Variants in MINK1 observed in about 807,000 individuals in gnomAD.
MINK1 encodes the protein misshapen like kinase 1, also known as misshapen-like kinase 1.
Under a neutral mutation model 178.4 loss-of-function variants are expected in MINK1, and 46 were observed. The ratio of observed to expected loss-of-function variants is 0.26; its 90% confidence interval spans 0.20 to 0.33. The LOEUF is 0.33. MINK1 is among the 10% of genes least tolerant of loss of function. The probability of loss-of-function intolerance (pLI) is 1.00; values close to 1 mark genes in which losing one functional copy is unlikely to be tolerated. For synonymous variants in MINK1, 797 were observed against 709.7 expected (o/e 1.12, Z -1.96); for missense variants, 1,366 against 1,814.9 (o/e 0.75, Z 4.49).
At chr17:4,893,104 C>T (rs1447936027) in intron 20 of MINK1, 37 bp downstream of exon 20, 2 of 1,548,164 alleles carry the variant, frequency 1.3e-6, no homozygotes, top group Admixed American at 1.9e-5. Flanking sequence ...CTGCCTCATC[C>T]TGGTTTGGGG....
chr17:4,857,354 C>T (rs1913326871), intron 1 of MINK1: 1 of 159,050 alleles, frequency 6.3e-6, no homozygotes, highest in Non-Finnish European at 1.4e-5. Flanking sequence ...CCAAAGCATA[C>T]TCGGGGCTGT....
At chr17:4,892,125 C>T (rs754096614) in intron 16 of MINK1, 24 bp from the exon 17 acceptor site, 24 of 1,565,650 alleles carry the variant, frequency 1.5e-5, no homozygotes, top group South Asian at 1.0e-4. Context: ...CGCCAGCTCG[C>T]AGCACGTGGA....
intron 1 of MINK1, among the ~76,000 whole-genome samples, chr17:4,857,707 A>G (rs775086255): frequency 1.2e-4 from 19 of 152,046 alleles, no homozygotes; most frequent in Admixed American, 6.5e-4. Flanking sequence ...AGCTCAGGCA[A>G]TCCGCCAGCC....
At chr17:4,835,731 A>C (rs1909218449) in intron 1 of MINK1, among the ~76,000 whole-genome samples, 1 of 152,224 alleles carries the variant, frequency 6.6e-6, no homozygotes, top group Admixed American at 6.5e-5. Flanking sequence ...CTCTTTTGGT[A>C]GTTTGGCCTG....
intron 1 of MINK1, chr17:4,861,731 C>T (rs1914198513): frequency 1.3e-5 from 3 of 239,018 alleles, no homozygotes; most frequent in Admixed American, 9.5e-5. Flanking sequence ...GAACTCCTGA[C>T]CTCAGGTAAT....
intron 1 of MINK1, among the ~76,000 whole-genome samples, chr17:4,858,559 C>T (rs1277618714): frequency 6.6e-6 from 1 of 151,564 alleles, no homozygotes; most frequent in South Asian, 2.1e-4. Context: ...TCACTGCAAC[C>T]TCCGCCTCCC....
In MINK1 at chr17:4,897,420, ACGTGACCTCTGACCCCTGATGCTTT is replaced by A. The variant is rs908062308; in HGVS notation, c.*139_*163del. On this transcript the variant is annotated 3_prime_UTR_variant, in exon 32 of 32. Transcript: ENST00000355280. The stretch of plus-strand genomic sequence containing the variant: ...TTGATTTCACTGGAGCCTGCTGGGA[ACGTGACCTCTGACCCCTGATGCTTT>A]CGTGATCACGTGACCATCCTCTTCC... 2.7e-6 allele frequency: 2 copies of A among 753,164 alleles called. No homozygotes were observed. Among genetic ancestry groups the A allele is most frequent in the Admixed American group, 2.5e-5 (1 of 39,970 alleles). The allele number at this position is 753,164 out of a possible 1,614,324, so 46.7% of individuals were successfully genotyped here.
Position 4,866,859 on chromosome 17 carries a change from G to T in MINK1, c.58-11458G>T, listed in dbSNP as rs1597459423. On this transcript the variant is annotated intron_variant, in intron 1 of 31. Transcript: ENST00000355280. ...GAGGCCGAGGCAGGCGGATCACGAG[G>T]TCAGGAGATTGAGACCATCCTGGCC... Among the ~76,000 whole-genome samples the T allele has an allele frequency of 2.0e-5, 3 of 152,004 alleles. No homozygotes were observed. In the East Asian group the frequency reaches 5.8e-4, roughly 30 times the overall value.
chr17:4,890,864 G>A (rs902059529), intron 14 of MINK1, 87 bp from the exon 15 acceptor site: 12 of 1,531,816 alleles, frequency 7.8e-6, no homozygotes, highest in Non-Finnish European at 1.1e-5. Context: ...CAGAGCATAG[G>A]GCGGGAGTAG....
At chr17:4,881,098 G>A in intron 3 of MINK1, 34 bp from the exon 4 acceptor site, 1 of 1,536,892 alleles carries the variant, frequency 6.5e-7, no homozygotes. Flanking sequence ...AGTGTTGGGG[G>A]AGTCTCAGGG....
chr17:4,876,911 C>T (rs1243183571), intron 1 of MINK1, among the ~76,000 whole-genome samples: 3 of 151,928 alleles, frequency 2.0e-5, no homozygotes, highest in Non-Finnish European at 4.4e-5. Context: ...AACATAGTGA[C>T]ACCCCGTCTC....
rs923434750 is a variant in MINK1 at position 4,895,589 on chromosome 17, G to A, written c.3229+96G>A. The A allele has an allele frequency of 6.5e-6, 10 of 1,547,742 alleles. No individual in the cohort carries two copies. The highest frequency in any genetic ancestry group is 1.8e-4 in the Middle Eastern group (1 of 5,504). On this transcript the variant is annotated intron_variant, in intron 26 of 31. Transcript: ENST00000355280. This position sits in a 1 kb window ranked among gnomAD's most constrained non-coding sequence, Gnocchi z 4.3. ...GAGGAGGGCAGGCACTGGAAGGTGG[G>A]GCCACACTTTCTCACCCCTTGTGGT... is the stretch of plus-strand genomic sequence containing the variant.
At chr17:4,837,556 G>A (rs1021414998) in intron 1 of MINK1, among the ~76,000 whole-genome samples, 5 of 152,234 alleles carry the variant, frequency 3.3e-5, no homozygotes, top group African/African-American at 1.2e-4. Flanking sequence ...GAAAATGTGG[G>A]CCTCTGTGTC....
intron 2 of MINK1, among the ~76,000 whole-genome samples, chr17:4,879,585 A>G (rs1055145117): frequency 6.6e-6 from 1 of 152,150 alleles, no homozygotes; most frequent in African/African-American, 2.4e-5. Context: ...TGGGCTGGCA[A>G]AGCCAGTCCA....
chr17:4,893,837 C>G (rs895636011), intron 21 of MINK1, 151 bp from the exon 22 acceptor site: 1 of 864,088 alleles, frequency 1.2e-6, no homozygotes, highest in African/African-American at 1.7e-5. Context: ...AGGGAAGCAC[C>G]TCACGGTGGA....
rs755189715 is a variant in MINK1, at chr17:4,896,902, T to C, written c.3915+89T>C. The C allele has an allele frequency of 6.8e-7, 1 of 1,466,454 alleles. No homozygotes were observed. The highest frequency in any genetic ancestry group is 2.4e-5 in the East Asian group (1 of 41,638). The allele number at this position is 1,466,454 out of a possible 1,614,324, so 90.8% of individuals were successfully genotyped here. On this transcript the variant is annotated intron_variant, in intron 31 of 31. Transcript: ENST00000355280. This position sits in a 1 kb window ranked among gnomAD's most constrained non-coding sequence, Gnocchi z 4.6. ...CAGAGTTCTGGGGAGAGGATGGTGG[T>C]GGTGGCTTCCTGAAAGCGGGCCCCT...
Position 4,897,383 on chromosome 17 carries a change from GC to G in MINK1, c.*97del. ...CCCTCTTTCCCCTCCCTGGGCTTTTGCTTTTACTGGTTTGATTTCACTGGAG... is the reference window on the plus strand; with the variant it reads ...CCCTCTTTCCCCTCCCTGGGCTTTTGTTTTACTGGTTTGATTTCACTGGAG... On this transcript the variant is annotated 3_prime_UTR_variant, in exon 32 of 32. Coordinates refer to ENST00000355280, the MANE Select transcript of MINK1 (RefSeq NM_153827.5). 1 of 1,154,172 alleles carries G rather than the reference GC, an allele frequency of 8.7e-7. No homozygotes were observed. The highest frequency in any genetic ancestry group is 1.4e-5 in the South Asian group (1 of 73,904). 71.5% of individuals were successfully genotyped at this position (1,154,172 alleles called of 1,614,324 possible).
intron 1 of MINK1, chr17:4,854,679 C>T: frequency 2.2e-6 from 1 of 446,940 alleles, no homozygotes; most frequent in Non-Finnish European, 4.5e-6. Context: ...TCTTCGCCTT[C>T]CTTCTACTTC....
At chr17:4,871,126 C>T (rs778238396) in intron 1 of MINK1, 2 of 287,680 alleles carry the variant, frequency 7.0e-6, no homozygotes, top group Non-Finnish European at 1.5e-5. Flanking sequence ...CAAGGTTCAT[C>T]CATGTTGCAA....
Sources: allele counts gnomAD v4.1 joint callset (sites outside exome capture counted in the v4.1 genomes callset), GRCh38; gene constraint gnomAD v4.1.1; non-coding constraint Gnocchi (gnomAD v3.1); transcripts MANE v1.5; gene names NCBI Gene and HGNC (gene_info 2026-07-23, HGNC 2026-07-21).